The following ZNF831 variants were observed in gnomAD, a reference collection of about 807,000 sequenced individuals.
The protein encoded by ZNF831 is zinc finger protein 831.
A neutral mutation model predicts 95.8 loss-of-function variants in ZNF831; 59 were observed. That is an observed-to-expected ratio of 0.62 (90% CI 0.50 to 0.77). ZNF831 has a LOEUF of 0.77. ZNF831 is among the 30% of genes least tolerant of loss of function. ZNF831 has a pLI of 0.00. For missense variants in ZNF831, 2,205 were observed against 2,164.0 expected, an observed-to-expected ratio of 1.02 and a Z score of -0.38; for synonymous variants, 961 against 925.5, an observed-to-expected ratio of 1.04 and a Z score of -0.70.
intron 3 of ZNF831, among the ~76,000 whole-genome samples, chr20:59,197,479 G>T (rs1406044049): frequency 1.3e-5 from 2 of 152,142 alleles, no homozygotes; most frequent in Non-Finnish European, 2.9e-5. Flanking sequence ...CGCTTGTCTT[G>T]GTGCACCCCA....
chr20:59,163,454 C>A (rs777460969), upstream of ZNF831, among the ~76,000 whole-genome samples: 2 of 152,196 alleles, frequency 1.3e-5, no homozygotes, highest in Admixed American at 6.5e-5. Flanking sequence ...TGGGACCTCC[C>A]ACCATAGTCA....
intron 1 of ZNF831, among the ~76,000 whole-genome samples, chr20:59,141,972 A>G (rs886123158): frequency 3.3e-5 from 5 of 152,194 alleles, no homozygotes; most frequent in Non-Finnish European, 7.4e-5. Context: ...GGCTGGCTCT[A>G]CGTGTCTGGG....
intron 1 of ZNF831, among the ~76,000 whole-genome samples, chr20:59,131,151 C>G (rs1979341070): frequency 6.6e-6 from 1 of 152,174 alleles, no homozygotes; most frequent in Admixed American, 6.5e-5. Context: ...CATCTTGGGT[C>G]TTGGGACCAC....
intron 4 of ZNF831, among the ~76,000 whole-genome samples, chr20:59,252,769 T>G (rs560642047): frequency 6.6e-6 from 1 of 152,114 alleles, no homozygotes; most frequent in Non-Finnish European, 1.5e-5. Flanking sequence ...GAGAATTGGT[T>G]TTGCCATTTC....
At chr20:59,221,924 G>T (rs943945381) in intron 4 of ZNF831, among the ~76,000 whole-genome samples, 6 of 152,182 alleles carry the variant, frequency 3.9e-5, no homozygotes, top group Non-Finnish European at 8.8e-5. Context: ...GCACCCCCGG[G>T]TGCAAAGCAC....
At chr20:59,168,165 G>C (rs773326564) in intron 1 of ZNF831, among the ~76,000 whole-genome samples, 50 of 152,232 alleles carry the variant, frequency 3.3e-4, no homozygotes, top group Non-Finnish European at 5.7e-4. Context: ...CATTAAACCT[G>C]TATATCAATT....
chr20:59,250,645 A>T (rs780764652), intron 4 of ZNF831, among the ~76,000 whole-genome samples: 2 of 152,168 alleles, frequency 1.3e-5, no homozygotes, highest in Non-Finnish European at 2.9e-5. Flanking sequence ...TTCAACAACG[A>T]CAACAACAAC....
At chr20:59,195,668 C>T (rs1039866617) in intron 2 of ZNF831, 12 of 645,134 alleles carry the variant, frequency 1.9e-5, no homozygotes, top group Middle Eastern at 7.8e-4. Context: ...CAAGCCCAGG[C>T]GGGGTTTCAG....
Position 59,254,224 on chromosome 20 carries a change from C to T in ZNF831, c.4515C>T (p.Ala1505=), listed in dbSNP as rs2146766018. Reference sequence around the variant, plus strand: ...TGCCAGTGAGAACAGATCACATAGCCCAGGAAATTCACAGTGCTGAATCAC... The same window carrying T: ...TGCCAGTGAGAACAGATCACATAGCTCAGGAAATTCACAGTGCTGAATCAC... ...ISLPVRTDHI[A]QEIHSAESRD... The change falls in exon 6 of 6, where the codon GCC becomes GCT. Residue 1505 remains alanine, a synonymous_variant. Coordinates refer to ENST00000371030, the MANE Select transcript of ZNF831 (RefSeq NM_178457.3). This position sits in a 1 kb window ranked among gnomAD's most constrained non-coding sequence, Gnocchi z 4.5. 3 of 1,614,046 alleles carry T rather than the reference C, an allele frequency of 1.9e-6. No individual in the cohort carries two copies. Among genetic ancestry groups the T allele is most frequent in the East Asian group, 4.5e-5 (2 of 44,868 alleles).
chr20:59,194,500 A>G lies in ZNF831; in HGVS notation c.3481A>G (p.Ser1161Gly), dbSNP rs1334065982. The change falls in exon 2 of 6, where the codon AGC (serine) becomes GGC (glycine). Residue 1161 changes from serine to glycine, a missense_variant. Transcript: ENST00000371030. ...GTCTTCCCACTCAGGGACGTCCCGG[A>G]GCCACAGCACCCGCAGTCCCCACAG... ...ALSSHSGTSR[S>G]HSTRSPHSTQ... 1 of 1,611,598 alleles carries G rather than the reference A, an allele frequency of 6.2e-7. No homozygotes were observed. Among genetic ancestry groups the G allele is most frequent in the Middle Eastern group, 1.7e-4 (1 of 6,044 alleles).
intron 3 of ZNF831, among the ~76,000 whole-genome samples, chr20:59,199,144 C>T (rs1384272599): frequency 7.0e-6 from 1 of 143,740 alleles, no homozygotes; most frequent in Non-Finnish European, 1.5e-5. Context: ...TCACGTAACC[C>T]TTGTGTTCTC....
chr20:59,145,716 C>A (rs975443670), intron 1 of ZNF831, among the ~76,000 whole-genome samples: 1 of 152,126 alleles, frequency 6.6e-6, no homozygotes, highest in African/African-American at 2.4e-5. Context: ...TGAGCAAGAC[C>A]CTGGAGGAGA....
chr20:59,158,696 G>C (rs1308540169), intron 2 of ZNF831, among the ~76,000 whole-genome samples: 1 of 152,164 alleles, frequency 6.6e-6, no homozygotes, highest in Non-Finnish European at 1.5e-5. Context: ...GGACACTTTT[G>C]TTTGGTTTTT....
chr20:59,250,655 CA>C (rs2146750312), intron 4 of ZNF831, among the ~76,000 whole-genome samples: 1 of 152,262 alleles, frequency 6.6e-6, no homozygotes, highest in East Asian at 1.9e-4. Flanking sequence ...ACAACAACAA[CA>C]ACCCATTATT....
chr20:59,245,175 C>T (rs183986418), intron 4 of ZNF831, among the ~76,000 whole-genome samples: 11 of 152,336 alleles, frequency 7.2e-5, no homozygotes, highest in South Asian at 2.1e-4. Context: ...CACCACCAAG[C>T]GGCCTCTCAT....
rs570960120 is a variant in ZNF831 at position 59,125,607 on chromosome 20, G to A, written c.-1425+2102G>A. 2.4e-4 allele frequency among the ~76,000 whole-genome samples: 36 copies of A among 152,250 alleles called. No homozygotes were observed. In the East Asian group the frequency reaches 6.6e-3, roughly 28 times the overall value. On this transcript the variant is annotated intron_variant, in intron 1 of 7. Transcript: ENST00000637017. ...ACAATACTGGGTTCAATTTTTTCTC[G>A]AGACAGAGTAGGAGGTGTTAGCTAT...
Position 59,194,417 on chromosome 20 carries a change from TCCTCACTGC to T in ZNF831, c.3406_3414del (p.Ala1136_Thr1138del). 6.2e-7 allele frequency: 1 copy of T among 1,611,496 alleles called. No individual in the cohort carries two copies. On this transcript the variant is annotated inframe_deletion, in exon 2 of 6. Transcript: ENST00000371030. ...TGTTCCCCCCTCCAGCCTGGCTCCT[TCCTCACTGC>T]CCTCACTCGGCCTCAGGGTGTGCCC...
At position 59,175,895 on chromosome 20, in the gene ZNF831, G is replaced by C. The variant is rs1040584653; in HGVS notation, c.-37+11688G>C. Among the ~76,000 whole-genome samples, 2 of 152,222 alleles carry C rather than the reference G, an allele frequency of 1.3e-5. 1 individual carries two copies. The highest frequency in any genetic ancestry group is 4.1e-4 in the South Asian group (2 of 4,832). ...CCTTCTGTGTTAGCTGGCTTCCTTT[G>C]CTACTGCTCTGACTGGGGAAGAGAT... is the stretch of plus-strand genomic sequence containing the variant. On this transcript the variant is annotated intron_variant, in intron 1 of 5. Transcript: ENST00000371030.
At chr20:59,130,321 C>T (rs1197381366) in intron 1 of ZNF831, among the ~76,000 whole-genome samples, 3 of 152,120 alleles carry the variant, frequency 2.0e-5, no homozygotes, top group African/African-American at 7.2e-5. Context: ...TGTGTTTTTC[C>T]AGCAAGATGT....
Sources: allele counts gnomAD v4.1 joint callset (sites outside exome capture counted in the v4.1 genomes callset), GRCh38; gene constraint gnomAD v4.1.1; non-coding constraint Gnocchi (gnomAD v3.1); transcripts MANE v1.5; gene names NCBI Gene and HGNC (gene_info 2026-07-23, HGNC 2026-07-21).